Variants in OPCML observed in about 807,000 individuals in gnomAD.
OPCML encodes the protein opioid binding protein/cell adhesion molecule like, also known as opioid-binding protein/cell adhesion molecule.
A neutral mutation model predicts 37.8 loss-of-function variants in OPCML; 13 were observed. The ratio of observed to expected loss-of-function variants is 0.34; its 90% CI spans 0.22 to 0.55. OPCML has a LOEUF of 0.55. Ranked by LOEUF, OPCML falls within the 20% of genes least tolerant of loss-of-function variation. The pLI is 0.91. For missense variants in OPCML, 341 were observed against 435.6 expected (o/e 0.78, Z 1.93); for synonymous variants, 176 against 168.8 (o/e 1.04, Z -0.33).
intron 3 of OPCML, among the ~76,000 whole-genome samples, chr11:132,553,560 A>C (rs577383760): frequency 6.6e-6 from 1 of 152,282 alleles, no homozygotes; most frequent in South Asian, 2.1e-4. Flanking sequence ...AAATAAAATT[A>C]ATTTCTCTTT....
chr11:132,471,279 G>A lies in OPCML; in HGVS notation c.506-33920C>T, dbSNP rs2096137287. Among the ~76,000 whole-genome samples the A allele has an allele frequency of 1.3e-5, 2 of 152,112 alleles. 1 individual carries two copies. The highest frequency in any genetic ancestry group is 4.1e-4 in the South Asian group (2 of 4,824). On this transcript the variant is annotated intron_variant, in intron 4 of 7. Transcript: ENST00000524381. ...TGGCAGGGGATGGCTGTGGATGGTG[G>A]GGCACAGCCTTCTAGTCATCTGCTC...
intron 2 of OPCML, among the ~76,000 whole-genome samples, chr11:132,753,509 T>C (rs974903224): frequency 1.3e-5 from 2 of 152,214 alleles, no homozygotes; most frequent in African/African-American, 4.8e-5. Flanking sequence ...CCTACATACA[T>C]ACATATCTGG....
chr11:132,510,039 G>T (rs571524176), intron 4 of OPCML, among the ~76,000 whole-genome samples: 5 of 152,264 alleles, frequency 3.3e-5, no homozygotes, highest in African/African-American at 9.6e-5. Flanking sequence ...AGGCAGAGCT[G>T]CCCAAGACCA....
intron 1 of OPCML, among the ~76,000 whole-genome samples, chr11:133,107,613 C>T (rs905813041): frequency 2.4e-4 from 37 of 152,198 alleles, no homozygotes; most frequent in African/African-American, 7.5e-4. Context: ...TGCCATTCAC[C>T]TTTCCCTCTT....
intron 4 of OPCML, among the ~76,000 whole-genome samples, chr11:132,443,197 G>A (rs1224661911): frequency 2.6e-5 from 4 of 152,190 alleles, no homozygotes; most frequent in Admixed American, 2.6e-4. Context: ...ATTTCTGGGG[G>A]CTTGTGCCAC....
At position 133,371,893 on chromosome 11, in the gene OPCML, C is replaced by A. The variant is rs144638504; in HGVS notation, c.61+160371G>T. Among the ~76,000 whole-genome samples the A allele has an allele frequency of 1.7e-4, 26 of 152,172 alleles. No individual in the cohort carries two copies. In the East Asian group the frequency reaches 4.4e-3, roughly 26 times the overall value. ...CAGCAATGTGGATGGAACTGAAGAT[C>A]GGCATATGAAGTGAAAGAAGACAGG... On this transcript the variant is annotated intron_variant, in intron 1 of 7. Transcript: ENST00000524381.
chr11:133,054,834 A>G (rs1463491445), intron 1 of OPCML, among the ~76,000 whole-genome samples: 1 of 152,044 alleles, frequency 6.6e-6, no homozygotes, highest in Non-Finnish European at 1.5e-5. Flanking sequence ...AAGTGGTGAG[A>G]CCCCATGAAG....
At chr11:133,073,744 CTTTTGCCAAG>C (rs1239151555) in intron 1 of OPCML, among the ~76,000 whole-genome samples, 1 of 152,200 alleles carries the variant, frequency 6.6e-6, no homozygotes, top group Non-Finnish European at 1.5e-5. Context: ...TTCAACAATG[CTTTTGCCAAG>C]TGATTATGAA....
intron 1 of OPCML, among the ~76,000 whole-genome samples, chr11:133,397,580 T>G (rs1945315423): frequency 6.6e-6 from 1 of 152,196 alleles, no homozygotes; most frequent in South Asian, 2.1e-4. Flanking sequence ...CAGATAACAT[T>G]TGGGCGATGC....
At chr11:133,233,898 C>A (rs977450405) in intron 1 of OPCML, among the ~76,000 whole-genome samples, 2 of 152,180 alleles carry the variant, frequency 1.3e-5, no homozygotes, top group Non-Finnish European at 2.9e-5. Flanking sequence ...GAGCATCCCC[C>A]ACCCCCTGCC....
chr11:133,109,634 G>A (rs548816593), intron 1 of OPCML, among the ~76,000 whole-genome samples: 4 of 152,206 alleles, frequency 2.6e-5, no homozygotes, highest in Middle Eastern at 3.4e-3. Context: ...GTTCCCACTC[G>A]ACCCAGGAAG....
At chr11:133,089,233 G>C (rs1948867050) in intron 1 of OPCML, among the ~76,000 whole-genome samples, 1 of 152,092 alleles carries the variant, frequency 6.6e-6, no homozygotes, top group African/African-American at 2.4e-5. Context: ...ATAGTATCTG[G>C]AAATATGACA....
In OPCML at chr11:132,481,865, A is replaced by G. The variant is rs1353244034; in HGVS notation, c.506-44506T>C. Among the ~76,000 whole-genome samples the G allele has an allele frequency of 2.8e-3, 419 of 150,022 alleles. 9 individuals are homozygous for G. The highest frequency in any genetic ancestry group is 8.9e-3 in the African/African-American group (358 of 40,198). On this transcript the variant is annotated intron_variant, in intron 4 of 7. Transcript: ENST00000524381. ...AGGCAGAAATAAAGATGTTCTTTGAAACCAACAAGAACAAAGACACAACAT... is the reference window on the plus strand; with the variant it reads ...AGGCAGAAATAAAGATGTTCTTTGAGACCAACAAGAACAAAGACACAACAT...
chr11:133,006,091 G>C (rs1410594243), intron 1 of OPCML: 2 of 985,296 alleles, frequency 2.0e-6, no homozygotes, highest in African/African-American at 3.5e-5. Flanking sequence ...AGTGAGACCA[G>C]GGTTTCTGGC....
intron 1 of OPCML, among the ~76,000 whole-genome samples, chr11:133,526,522 G>A (rs1287698083): frequency 6.6e-6 from 1 of 152,148 alleles, no homozygotes; most frequent in East Asian, 1.9e-4. Context: ...GAGGAAGGCA[G>A]TAGCAAGCAC....
At position 132,774,052 on chromosome 11, in the gene OPCML, T is replaced by A. The variant is rs140332859; in HGVS notation, c.147-116733A>T. ...AAAAATTTCCTGGTCCAAAATTATG[T>A]CCTACAACACAGCCTGTCTGGGAAG... On this transcript the variant is annotated intron_variant, in intron 2 of 7. Coordinates refer to ENST00000524381, the MANE Select transcript of OPCML (RefSeq NM_001012393.5). Among the ~76,000 whole-genome samples, 61 of 152,326 alleles carry A rather than the reference T, an allele frequency of 4.0e-4. 2 individuals are homozygous for A. In the East Asian group the frequency reaches 0.01, roughly 25 times the overall value.
At chr11:132,847,621 A>C (rs61906892) in intron 2 of OPCML, among the ~76,000 whole-genome samples, 24,651 of 152,238 alleles carry the variant, frequency 0.16, 2,463 homozygotes, top group Middle Eastern at 0.24. Context: ...TTGGATCTTC[A>C]CAACAAGTTT....
chr11:132,745,563 C>CAAAAAAAAAAAA (rs10562857), intron 2 of OPCML, among the ~76,000 whole-genome samples: 8 of 102,946 alleles, frequency 7.8e-5, no homozygotes, highest in Admixed American at 1.1e-4. Context: ...TGCTGTCTTG[C>CAAAAAAAAAAAA]AAAAAAAAAA....
chr11:133,436,799 G>A (rs765805977), intron 1 of OPCML, among the ~76,000 whole-genome samples: 1 of 152,122 alleles, frequency 6.6e-6, no homozygotes, highest in African/African-American at 2.4e-5. Context: ...AGGAGCAAGG[G>A]TAATACTTTA....
Sources: allele counts gnomAD v4.1 joint callset (sites outside exome capture counted in the v4.1 genomes callset), GRCh38; gene constraint gnomAD v4.1.1; transcripts MANE v1.5; gene names NCBI Gene and HGNC (gene_info 2026-07-23, HGNC 2026-07-21).